The following KANTR variants were observed in gnomAD, a reference collection of about 807,000 sequenced individuals.
KANTR encodes KDM5C adjacent transcript.
chrX:53,139,220 CAAAA>C (rs200871442), intron 2 of KANTR, among the ~76,000 whole-genome samples: 1 of 79,849 alleles, frequency 1.3e-5, no homozygotes, highest in African/African-American at 5.6e-5. Flanking sequence ...GACTCCGTCT[CAAAA>C]AAAAAAAAAA....
At chrX:53,138,760 T>C (rs1044104478) in intron 2 of KANTR, among the ~76,000 whole-genome samples, 1 of 108,050 alleles carries the variant, frequency 9.3e-6, no homozygotes, top group African/African-American at 3.4e-5. Flanking sequence ...AACAGACAAG[T>C]AGACCAATAC....
rs1933138054 is a variant in KANTR, at chrX:53,117,219, C to T, written c.-804-6250C>T. Reference sequence around the variant, plus strand: ...ATCGCTTGAACCCAAGAGGAGGTTGCAGGGAGCCAAGGTCACGCCACTGCA... The same window carrying T: ...ATCGCTTGAACCCAAGAGGAGGTTGTAGGGAGCCAAGGTCACGCCACTGCA... On this transcript the variant is annotated intron_variant, in intron 2 of 2. Transcript: ENST00000604062. 4.7e-5 allele frequency among the ~76,000 whole-genome samples: 5 copies of T among 105,719 alleles called. No homozygotes were observed. In the South Asian group the frequency reaches 2.1e-3, roughly 43 times the overall value. 91.8% of individuals were successfully genotyped at this position (105,719 alleles called of 115,157 possible). A position where few individuals can be genotyped will look rare whatever the true frequency, so the allele number is the denominator to read the frequency against.
At chrX:53,117,828 C>T (rs1170684311) in intron 2 of KANTR, among the ~76,000 whole-genome samples, 1 of 109,935 alleles carries the variant, frequency 9.1e-6, no homozygotes, top group Non-Finnish European at 1.9e-5. Flanking sequence ...CCGTGTTGGC[C>T]AGGCTGGTCT....
At chrX:53,097,349 A>AATTTTTT (rs1569232446) in intron 1 of KANTR, among the ~76,000 whole-genome samples, 1 of 42,555 alleles carries the variant, frequency 2.3e-5, no homozygotes, top group African/African-American at 5.6e-5. Context: ...ATTTGTTTTA[A>AATTTTTT]GTTTTTTTTT....
chrX:53,143,841 C>A, downstream of KANTR: 1 of 478,433 alleles, frequency 2.1e-6, no homozygotes, highest in East Asian at 4.0e-5. Flanking sequence ...AGGGGCCATC[C>A]ATCCCCAGCA....
At chrX:53,104,168 A>G (rs1239880999) in intron 2 of KANTR, among the ~76,000 whole-genome samples, 3 of 110,090 alleles carry the variant, frequency 2.7e-5, no homozygotes, top group Non-Finnish European at 5.7e-5. Context: ...TACTGTTAAA[A>G]TAATAATAAA....
intron 2 of KANTR, among the ~76,000 whole-genome samples, chrX:53,112,514 A>G (rs1933056985): frequency 9.0e-6 from 1 of 111,561 alleles, no homozygotes; most frequent in African/African-American, 3.3e-5. Context: ...AGTCTTTTTG[A>G]TTGGAAGGTT....
intron 2 of KANTR, among the ~76,000 whole-genome samples, chrX:53,118,476 T>C (rs782250023): frequency 8.9e-6 from 1 of 111,965 alleles, no homozygotes; most frequent in East Asian, 2.8e-4. Context: ...CCCATTAAAA[T>C]TTTTCTGGGT....
At chrX:53,094,744 C>T (rs2146708849) in intron 1 of KANTR, 1 of 112,289 alleles carries the variant, frequency 8.9e-6, no homozygotes, top group South Asian at 3.7e-4. Context: ...GTTTCCTCAT[C>T]TGCCAAATGG....
downstream of KANTR, chrX:53,143,784 C>T (rs1329776466): frequency 5.7e-6 from 3 of 525,571 alleles, no homozygotes; most frequent in Non-Finnish European, 1.0e-5. Flanking sequence ...TGCCCACCAT[C>T]ACACCCTGGT....
chrX:53,129,456 G>A (rs1933334103), downstream of KANTR, among the ~76,000 whole-genome samples: 1 of 110,512 alleles, frequency 9.0e-6, no homozygotes, highest in Non-Finnish European at 1.9e-5. Flanking sequence ...CACTTAATTG[G>A]AAACTCTTAG....
intron 2 of KANTR, among the ~76,000 whole-genome samples, chrX:53,137,709 C>T (rs1362640978): frequency 4.6e-5 from 5 of 108,214 alleles, no homozygotes; most frequent in African/African-American, 1.0e-4. Flanking sequence ...GCGGAGGTTG[C>T]GGTGAGCTGA....
intron 2 of KANTR, among the ~76,000 whole-genome samples, chrX:53,134,833 C>T (rs1228175443): frequency 9.0e-6 from 1 of 111,526 alleles, no homozygotes; most frequent in Non-Finnish European, 1.9e-5. Context: ...ATAGCTTCCT[C>T]CACCTGCACC....
intron 2 of KANTR, among the ~76,000 whole-genome samples, chrX:53,122,580 G>A (rs1186351290): frequency 9.0e-6 from 1 of 110,910 alleles, no homozygotes; most frequent in African/African-American, 3.3e-5. Flanking sequence ...ATTTCCTACG[G>A]GTTTTATCAG....
chrX:53,141,326 C>G (rs1207868148), intron 2 of KANTR, among the ~76,000 whole-genome samples: 1 of 111,666 alleles, frequency 9.0e-6, no homozygotes, highest in East Asian at 2.8e-4. Flanking sequence ...CTCTGACCTT[C>G]TGTGGGAATC....
At chrX:53,120,036 T>C (rs1185838792) in intron 2 of KANTR, among the ~76,000 whole-genome samples, 5 of 105,034 alleles carry the variant, frequency 4.8e-5, no homozygotes, top group African/African-American at 1.8e-4. Flanking sequence ...GTTATTTTAT[T>C]GTATTAATTT....
chrX:53,133,176 C>T (rs782012608), intron 2 of KANTR, among the ~76,000 whole-genome samples: 36 of 108,805 alleles, frequency 3.3e-4, no homozygotes, highest in Non-Finnish European at 6.7e-4. Flanking sequence ...AGTTCCAGCC[C>T]GAGCAACATA....
intron 2 of KANTR, among the ~76,000 whole-genome samples, chrX:53,110,048 C>T (rs1216337780): frequency 7.1e-5 from 8 of 112,305 alleles, no homozygotes; most frequent in Non-Finnish European, 1.1e-4. Flanking sequence ...AGCCACTGCA[C>T]GCAGGCTTGT....
chrX:53,135,060 C>T (rs981840241), intron 2 of KANTR, among the ~76,000 whole-genome samples: 4 of 111,975 alleles, frequency 3.6e-5, no homozygotes, highest in Non-Finnish European at 7.5e-5. Context: ...GTCGGGATTG[C>T]TTCCCAGCAT....
Sources: gnomAD v4.1 joint callset for allele counts (sites outside exome capture counted in the v4.1 genomes callset) on GRCh38, gnomAD v4.1.1 for gene constraint, MANE v1.5 for transcripts, NCBI Gene and HGNC (gene_info 2026-07-23, HGNC 2026-07-21) for gene names.